STXBP3: variants seen among roughly 807,000 people sequenced by gnomAD.
The protein encoded by STXBP3 is syntaxin-binding protein 3.
STXBP3 carries 41 observed loss-of-function variants against 85.7 expected under a neutral mutation model. The observed-to-expected ratio is 0.48, with a 90% confidence interval of 0.37 to 0.62. The LOEUF (loss-of-function observed/expected upper bound fraction) is 0.62. Among genes scored for constraint, STXBP3 ranks in the 20% least tolerant of loss-of-function variants. The probability of loss-of-function intolerance (pLI) is 0.00; values close to 1 mark genes in which losing one functional copy is unlikely to be tolerated. For synonymous variants in STXBP3, 229 were observed against 231.7 expected (o/e 0.99, Z 0.10); for missense variants, 563 against 703.1 (o/e 0.80, Z 2.25).
intron 4 of STXBP3, 32 bp from the exon 5 acceptor site, chr1:108,758,477 TA>T: frequency 9.2e-7 from 1 of 1,092,276 alleles, no homozygotes; most frequent in South Asian, 1.9e-5. Context: ...TAATATTTAA[TA>T]AAATGTGTAT....
At chr1:108,798,070 T>G in intron 15 of STXBP3, 75 bp from the exon 16 acceptor site, 1 of 1,205,276 alleles carries the variant, frequency 8.3e-7, no homozygotes, top group South Asian at 1.4e-5. Flanking sequence ...ATTAAATATC[T>G]TCGTTAGGAA....
chr1:108,773,786 G>A (rs765955759), intron 7 of STXBP3, among the ~76,000 whole-genome samples: 4 of 152,134 alleles, frequency 2.6e-5, no homozygotes, highest in African/African-American at 4.8e-5. Flanking sequence ...CCATGCAGAC[G>A]TGGAGGGATC....
chr1:108,793,157 A>ATTTTTTTTTCTTTTTTTTTTTTTT lies in STXBP3; in HGVS notation c.964-416_964-415insCTTTTTTTTTTTTTTTTTTTTTTT, dbSNP rs751400870. Among the ~76,000 whole-genome samples the ATTTTTTTTTCTTTTTTTTTTTTTT allele has an allele frequency of 8.4e-4, 57 of 67,488 alleles. 6 individuals are homozygous for ATTTTTTTTTCTTTTTTTTTTTTTT. Among genetic ancestry groups the ATTTTTTTTTCTTTTTTTTTTTTTT allele is most frequent in the East Asian group, 2.8e-3 (6 of 2,154 alleles). The allele number at this position is 67,488 out of a possible 152,430, so 44.3% of individuals were successfully genotyped here. On this transcript the variant is annotated intron_variant, in intron 11 of 18. Transcript: ENST00000370008. ...CTCACAGCCCCAAGCTCTTATCTCC[A>ATTTTTTTTTCTTTTTTTTTTTTTT]TTTTTTTTTTTTTTTTTTTTTTTTT... is the stretch of plus-strand genomic sequence containing the variant.
intron 9 of STXBP3, chr1:108,779,767 CT>C (rs1662676127): frequency 6.4e-6 from 1 of 155,084 alleles, no homozygotes; most frequent in African/African-American, 2.4e-5. Flanking sequence ...TATAATTGTT[CT>C]GAATCATACA....
intron 13 of STXBP3, 140 bp downstream of exon 13, chr1:108,795,047 G>C (rs578146588): frequency 3.2e-6 from 2 of 627,474 alleles, no homozygotes; most frequent in South Asian, 4.3e-5. Context: ...GAGCCACCTA[G>C]GCAGTATTTA....
At chr1:108,747,041 C>T (rs1047542734) in intron 1 of STXBP3, among the ~76,000 whole-genome samples, 1 of 147,136 alleles carries the variant, frequency 6.8e-6, no homozygotes, top group South Asian at 2.2e-4. Flanking sequence ...GCGCTCTGGC[C>T]GCGAAGCTCC....
chr1:108,765,470 G>T (rs900835134), intron 6 of STXBP3, among the ~76,000 whole-genome samples: 1 of 151,780 alleles, frequency 6.6e-6, no homozygotes, highest in South Asian at 2.1e-4. Flanking sequence ...TCTGGGAAAA[G>T]ATAGTGAAAA....
chr1:108,770,280 G>A (rs1316071907), intron 6 of STXBP3, among the ~76,000 whole-genome samples: 3 of 152,308 alleles, frequency 2.0e-5, no homozygotes, highest in East Asian at 3.9e-4. Flanking sequence ...GGGTGACAGA[G>A]TGAGTCCCCA....
intron 11 of STXBP3, among the ~76,000 whole-genome samples, chr1:108,791,784 C>A (rs542508149): frequency 6.6e-6 from 1 of 152,246 alleles, no homozygotes; most frequent in East Asian, 1.9e-4. Flanking sequence ...CCAAAATGTC[C>A]TCATGCCCGT....
intron 6 of STXBP3, among the ~76,000 whole-genome samples, chr1:108,769,219 T>G (rs2151329): frequency 4.1e-4 from 63 of 152,304 alleles, no homozygotes; most frequent in African/African-American, 1.5e-3. Flanking sequence ...TATGAAGGTC[T>G]TCATTCTTGT....
In STXBP3 at chr1:108,800,260, A is replaced by G. The variant is rs773281516; in HGVS notation, c.1490A>G (p.Tyr497Cys). ...DNRLDSKEWP[Y>C]CSQCPAVWNG... ...AGATTAGATTCAAAAGAATGGCCAT[A>G]TTGTTCCCAGTGTCCAGCAGTATGG... is the stretch of plus-strand genomic sequence containing the variant. The change falls in exon 17 of 19, where the codon TAT becomes TGT. Residue 497 changes from tyrosine to cysteine, a missense_variant. Physicochemically the swap from Tyr to Cys is radical, Grantham distance 194. Around this residue, in one of 3 missense-constraint regions of STXBP3, gnomAD observed 494 missense variants for 592.8 expected, o/e 0.83. Coordinates refer to ENST00000370008, the MANE Select transcript of STXBP3 (RefSeq NM_007269.4). 3.1e-6 allele frequency: 5 copies of G among 1,612,496 alleles called. No individual in the cohort carries two copies. Among genetic ancestry groups the G allele is most frequent in the South Asian group, 1.1e-5 (1 of 91,040 alleles).
At chr1:108,805,249 GTTATT>G (rs1231459504) in intron 17 of STXBP3, among the ~76,000 whole-genome samples, 1 of 152,080 alleles carries the variant, frequency 6.6e-6, no homozygotes, top group Non-Finnish European at 1.5e-5. Flanking sequence ...TTAAGCCAAA[GTTATT>G]AATACGTCCT....
chr1:108,793,766 A>C, intron 12 of STXBP3, 119 bp downstream of exon 12: 1 of 750,086 alleles, frequency 1.3e-6, no homozygotes. Context: ...TTTGTCCTCT[A>C]AAACCTTACT....
At chr1:108,785,772 A>G (rs1310052234) in intron 11 of STXBP3, among the ~76,000 whole-genome samples, 1 of 152,152 alleles carries the variant, frequency 6.6e-6, no homozygotes, top group African/African-American at 2.4e-5. Flanking sequence ...CTTGAGATCA[A>G]AGTTCCCCAG....
chr1:108,806,126 T>C (rs1346289605), intron 17 of STXBP3, among the ~76,000 whole-genome samples: 1 of 151,284 alleles, frequency 6.6e-6, no homozygotes, highest in Non-Finnish European at 1.5e-5. Context: ...TATTTACTTT[T>C]CAAATAAAAG....
intron 6 of STXBP3, among the ~76,000 whole-genome samples, chr1:108,760,759 C>G (rs181119833): frequency 5.9e-5 from 9 of 152,056 alleles, no homozygotes; most frequent in Non-Finnish European, 4.4e-5. Context: ...TTGCTCTGTT[C>G]TCTGTGTTTG....
At position 108,756,757 on chromosome 1, in the gene STXBP3, G is replaced by A. The variant is rs572320628; in HGVS notation, c.249G>A (p.Pro83=). 125 of 1,587,114 alleles carry A rather than the reference G, an allele frequency of 7.9e-5. No homozygotes were observed. In the East Asian group the frequency reaches 2.3e-3, roughly 29 times the overall value. ...RQMKALYFIT[P]TSKSVDCFLH... is the part of the protein sequence containing the mutation. ...TGAAAGCTCTTTATTTCATCACTCC[G>A]ACATCAAAGGTGAGTATTTTGAGAC... Residue 83 remains proline, a synonymous_variant, in exon 4 of 19, where the codon CCG becomes CCA. Coordinates refer to ENST00000370008, the MANE Select transcript of STXBP3 (RefSeq NM_007269.4).
At chr1:108,753,321 C>A (rs1431330922) in intron 3 of STXBP3, 177 bp downstream of exon 3, 1 of 340,066 alleles carries the variant, frequency 2.9e-6, no homozygotes, top group African/African-American at 3.7e-5. Flanking sequence ...TTCCCTCAGC[C>A]GAGACATATA....
In STXBP3 at chr1:108,746,717, C is replaced by T. The variant is rs747170762; in HGVS notation, c.-21C>T. ...GGTTGGGAGTGGAAGGTGGTGGCTG[C>T]TGCTCCGCAGTGTCGGGAAGATGGC... On this transcript the variant is annotated 5_prime_UTR_variant, in exon 1 of 19. Transcript: ENST00000370008. 7 of 1,548,204 alleles carry T rather than the reference C, an allele frequency of 4.5e-6. No homozygotes were observed. Among genetic ancestry groups the T allele is most frequent in the East Asian group, 4.9e-5 (2 of 40,548 alleles).
Sources: gnomAD v4.1 joint callset for allele counts (sites outside exome capture counted in the v4.1 genomes callset) on GRCh38, gnomAD v4.1.1 for gene constraint, gnomAD v4.1.1 regional missense constraint, MANE v1.5 for transcripts, NCBI Gene and HGNC (gene_info 2026-07-23, HGNC 2026-07-21) for gene names.